Variants in PITPNC1 observed in about 807,000 individuals in gnomAD.
The protein encoded by PITPNC1 is phosphatidylinositol transfer protein cytoplasmic 1, also known as cytoplasmic phosphatidylinositol transfer protein 1.
In PITPNC1, 18 loss-of-function variants were observed where a neutral mutation model predicts 44.7. That is an observed-to-expected ratio of 0.40 (90% CI 0.28 to 0.60). The LOEUF (loss-of-function observed/expected upper bound fraction) is 0.60, where lower values mean the gene tolerates loss of function less well. Among genes scored for constraint, PITPNC1 ranks in the 20% least tolerant of loss-of-function variants. The probability of loss-of-function intolerance (pLI) is 0.39; values close to 1 mark genes in which losing one functional copy is unlikely to be tolerated. For synonymous variants in PITPNC1, 141 were observed against 149.6 expected (o/e 0.94, Z 0.42); for missense variants, 290 against 418.4 (o/e 0.69, Z 2.68).
intron 5 of PITPNC1, among the ~76,000 whole-genome samples, chr17:67,614,822 G>A (rs1000449248): frequency 5.9e-5 from 9 of 151,944 alleles, no homozygotes; most frequent in African/African-American, 2.2e-4. Flanking sequence ...AGAGCAGCCT[G>A]GGGAATATAG....
intron 1 of PITPNC1, among the ~76,000 whole-genome samples, chr17:67,478,627 CTT>C (rs1460324447): frequency 6.6e-6 from 1 of 152,094 alleles, no homozygotes; most frequent in Non-Finnish European, 1.5e-5. Context: ...ACAAACCAAA[CTT>C]TGAAAAAACA....
At chr17:67,448,016 G>C (rs943844779) in intron 1 of PITPNC1, among the ~76,000 whole-genome samples, 3 of 151,804 alleles carry the variant, frequency 2.0e-5, no homozygotes, top group African/African-American at 7.3e-5. Flanking sequence ...TGCGATCTCA[G>C]CTTACTGCAA....
chr17:67,482,249 T>G (rs534428629), intron 1 of PITPNC1, among the ~76,000 whole-genome samples: 75 of 152,340 alleles, frequency 4.9e-4, no homozygotes, highest in South Asian at 1.2e-3. Flanking sequence ...AAATTATCTT[T>G]TAAATAATTT....
chr17:67,447,191 G>C (rs2039110617), intron 1 of PITPNC1, among the ~76,000 whole-genome samples: 1 of 150,798 alleles, frequency 6.6e-6, no homozygotes. Flanking sequence ...CCAACCTGGA[G>C]ATTCACTCCT....
At chr17:67,639,919 A>T (rs909559919) in intron 6 of PITPNC1, among the ~76,000 whole-genome samples, 1 of 152,188 alleles carries the variant, frequency 6.6e-6, no homozygotes, top group African/African-American at 2.4e-5. Context: ...AGCTTCATCC[A>T]AATCACTCGG....
chr17:67,513,376 TATATCTATATC>T (rs2144093884), intron 1 of PITPNC1, among the ~76,000 whole-genome samples: 1 of 142,954 alleles, frequency 7.0e-6, no homozygotes, highest in Admixed American at 6.9e-5. Context: ...TATCTATATC[TATATCTATATC>T]TATATCTATA....
intron 5 of PITPNC1, among the ~76,000 whole-genome samples, chr17:67,606,439 G>T (rs1303304746): frequency 6.6e-6 from 1 of 152,128 alleles, no homozygotes; most frequent in African/African-American, 2.4e-5. Flanking sequence ...GTGAAGTTTC[G>T]CACTGAAAAC....
intron 1 of PITPNC1, among the ~76,000 whole-genome samples, chr17:67,475,156 G>A (rs2916122): frequency 0.029 from 4,356 of 152,226 alleles, 149 homozygotes; most frequent in East Asian, 0.11. Flanking sequence ...GTTCTGGTTC[G>A]CAGAGGGTCT....
chr17:67,649,683 G>A (rs981727860), intron 6 of PITPNC1, among the ~76,000 whole-genome samples: 1 of 152,036 alleles, frequency 6.6e-6, no homozygotes, highest in African/African-American at 2.4e-5. Flanking sequence ...CCAGGAGTTC[G>A]AGACTAGCCT....
intron 1 of PITPNC1, among the ~76,000 whole-genome samples, chr17:67,493,491 A>G (rs1484818399): frequency 6.6e-6 from 1 of 152,208 alleles, no homozygotes; most frequent in Non-Finnish European, 1.5e-5. Context: ...TTAGGATGCA[A>G]CCAAATGATA....
chr17:67,502,984 C>T (rs896944043), intron 1 of PITPNC1, among the ~76,000 whole-genome samples: 4 of 152,036 alleles, frequency 2.6e-5, no homozygotes, highest in Middle Eastern at 3.4e-3. Context: ...TCAGTAGAGA[C>T]GGGGTCTCAC....
rs1244313959 is a variant in PITPNC1, at chr17:67,676,568, C to T, written c.682+1026C>T. Among the ~76,000 whole-genome samples, 3 of 152,060 alleles carry T rather than the reference C, an allele frequency of 2.0e-5. No homozygotes were observed. Among genetic ancestry groups the T allele is most frequent in the Non-Finnish European group, 2.9e-5 (2 of 68,034 alleles). On this transcript the variant is annotated intron_variant, in intron 8 of 8. Transcript: ENST00000581322. The surrounding 1 kb of genome is among the most constrained non-coding windows in gnomAD (Gnocchi z 4.0). The stretch of plus-strand genomic sequence containing the variant: ...CTTAGGTTAGATCTGATTTTCAGGT[C>T]GATTGTCTAATGAAATGCCCTTCTC...
intron 1 of PITPNC1, among the ~76,000 whole-genome samples, chr17:67,526,854 T>C (rs1287740218): frequency 6.6e-6 from 1 of 152,234 alleles, no homozygotes; most frequent in Non-Finnish European, 1.5e-5. Context: ...CCTCCAATTT[T>C]GCAGCTCTAT....
In PITPNC1 at chr17:67,695,032, A is replaced by G. The variant is rs992709393; in HGVS notation, c.*2144A>G. The stretch of plus-strand genomic sequence containing the variant: ...GAGCATTGCTATTTTCCCTTTTTAT[A>G]AAGTAGCTTCTGCTGTCAAGGTTAA... On this transcript the variant is annotated 3_prime_UTR_variant, in exon 9 of 9. Transcript: ENST00000581322. 2.6e-5 allele frequency: 4 copies of G among 152,236 alleles called. No individual in the cohort carries two copies. The highest frequency in any genetic ancestry group is 2.0e-4 in the Admixed American group (3 of 15,278). The allele number at this position is 152,236 out of a possible 1,614,324, so 9.4% of individuals were successfully genotyped here. A position where few individuals can be genotyped will look rare whatever the true frequency, so the allele number is the denominator to read the frequency against.
At chr17:67,640,964 T>A (rs1955074874) in intron 6 of PITPNC1, among the ~76,000 whole-genome samples, 1 of 151,930 alleles carries the variant, frequency 6.6e-6, no homozygotes, top group Non-Finnish European at 1.5e-5. Context: ...CAGTCCAGGC[T>A]GGGTGACAGG....
At chr17:67,447,088 T>TAAAAA (rs2039107491) in intron 1 of PITPNC1, among the ~76,000 whole-genome samples, 1 of 18,832 alleles carries the variant, frequency 5.3e-5, no homozygotes, top group Non-Finnish European at 1.2e-4. Flanking sequence ...AGACTCTGTC[T>TAAAAA]CAAAAAAAAA....
intron 1 of PITPNC1, among the ~76,000 whole-genome samples, chr17:67,530,413 C>T (rs878876072): frequency 6.6e-6 from 1 of 152,034 alleles, no homozygotes; most frequent in Admixed American, 6.6e-5. Context: ...TATAGATGGC[C>T]ATTTTTCTCT....
intron 1 of PITPNC1, among the ~76,000 whole-genome samples, chr17:67,385,482 C>T (rs1400987619): frequency 1.4e-5 from 2 of 139,990 alleles, no homozygotes; most frequent in African/African-American, 2.5e-5. Context: ...GACCACCCCT[C>T]CCCCCTCCCC....
intron 6 of PITPNC1, among the ~76,000 whole-genome samples, chr17:67,663,594 T>C (rs562169208): frequency 1.3e-5 from 2 of 149,416 alleles, no homozygotes; most frequent in African/African-American, 2.5e-5. Flanking sequence ...AAAAAAAAAG[T>C]TGAAGCAGTA....
Sources: gnomAD v4.1 joint callset for allele counts (sites outside exome capture counted in the v4.1 genomes callset) on GRCh38, gnomAD v4.1.1 for gene constraint, Gnocchi (gnomAD v3.1) non-coding constraint, MANE v1.5 for transcripts, NCBI Gene and HGNC (gene_info 2026-07-23, HGNC 2026-07-21) for gene names.